The following DDX10 variants were observed in gnomAD, a reference collection of about 807,000 sequenced individuals.
The protein encoded by DDX10 is DEAD-box helicase 10, also known as probable ATP-dependent RNA helicase DDX10.
Under a neutral mutation model 104.3 loss-of-function variants are expected in DDX10, and 74 were observed. That is an observed-to-expected ratio of 0.71 (90% CI 0.59 to 0.86). DDX10 has a LOEUF of 0.86. DDX10 is among the 40% of genes least tolerant of loss of function. The pLI is 0.00. For missense variants in DDX10, 952 were observed against 1,040.0 expected (o/e 0.92, Z 1.16); for synonymous variants, 351 against 353.4 (o/e 0.99, Z 0.08).
intron 16 of DDX10, among the ~76,000 whole-genome samples, chr11:108,902,905 C>A (rs1863536988): frequency 6.6e-6 from 1 of 151,906 alleles, no homozygotes; most frequent in African/African-American, 2.4e-5. Flanking sequence ...ATCAAAATAA[C>A]CTTAAATTTT....
intron 16 of DDX10, among the ~76,000 whole-genome samples, chr11:108,871,483 C>T (rs931723072): frequency 1.3e-5 from 2 of 152,200 alleles, no homozygotes; most frequent in Non-Finnish European, 2.9e-5. Context: ...GCATACTCTA[C>T]TGGTCACCCT....
At chr11:108,800,316 GT>G (rs1007736903) in intron 13 of DDX10, among the ~76,000 whole-genome samples, 1 of 149,852 alleles carries the variant, frequency 6.7e-6, no homozygotes, top group African/African-American at 2.4e-5. Flanking sequence ...ATGGTGGCGG[GT>G]GCCTGTAGTC....
intron 16 of DDX10, among the ~76,000 whole-genome samples, chr11:108,911,874 GA>G (rs1309791586): frequency 6.6e-6 from 1 of 152,108 alleles, no homozygotes; most frequent in Admixed American, 6.5e-5. Context: ...TTCAACACAT[GA>G]ATTTTGTGGG....
chr11:108,812,923 A>G (rs907678094), intron 13 of DDX10, among the ~76,000 whole-genome samples: 1 of 135,134 alleles, frequency 7.4e-6, no homozygotes, highest in Non-Finnish European at 1.5e-5. Context: ...TGGAGGTTGC[A>G]GTGAGCAGAG....
chr11:108,706,910 C>A (rs938053041), intron 10 of DDX10, 73 bp downstream of exon 10: 57 of 1,227,686 alleles, frequency 4.6e-5, no homozygotes, highest in Non-Finnish European at 6.1e-5. Context: ...TTATGTGCAC[C>A]TAATTTGCCC....
intron 13 of DDX10, among the ~76,000 whole-genome samples, chr11:108,797,039 A>G (rs1276129260): frequency 2.1e-5 from 3 of 144,540 alleles, no homozygotes; most frequent in Non-Finnish European, 4.6e-5. Flanking sequence ...CCCTCTTCTA[A>G]TTTTTTTTTT....
chr11:108,730,632 A>C (rs2094310833), intron 13 of DDX10, among the ~76,000 whole-genome samples: 1 of 152,194 alleles, frequency 6.6e-6, no homozygotes, highest in Admixed American at 6.5e-5. Context: ...CTCATGACTT[A>C]CAGTGGTTCA....
chr11:108,676,191 G>A (rs527309850), intron 3 of DDX10, among the ~76,000 whole-genome samples: 48 of 152,070 alleles, frequency 3.2e-4, no homozygotes, highest in Non-Finnish European at 2.9e-4. Context: ...CATTGCTATC[G>A]GTCTTTTATG....
intron 6 of DDX10, among the ~76,000 whole-genome samples, chr11:108,686,082 C>T (rs1197623415): frequency 2.6e-5 from 4 of 152,116 alleles, no homozygotes; most frequent in African/African-American, 9.7e-5. Flanking sequence ...CCTATTTCTT[C>T]TTTAAAGACT....
intron 13 of DDX10, among the ~76,000 whole-genome samples, chr11:108,833,116 A>G (rs1258096320): frequency 5.3e-5 from 8 of 152,236 alleles, no homozygotes. Context: ...AAAATACACC[A>G]TCAGTGGACA....
chr11:108,678,431 G>T lies in DDX10; in HGVS notation c.654G>T (p.Met218Ile). The change falls in exon 5 of 18, where the codon ATG becomes ATT. Residue 218 changes from methionine (M) to isoleucine (I), a missense_variant. Transcript: ENST00000322536. Reference sequence around the variant, plus strand: ...CTTTTCATGCTACCGACCTCCAAATGTTAGGTGAGTCAAATCAATTTCTAA... The same window carrying T: ...CTTTTCATGCTACCGACCTCCAAATTTTAGGTGAGTCAAATCAATTTCTAA... ...TVSFHATDLQ[M>I]LVLDEADRIL... 6.3e-7 allele frequency: 1 copy of T among 1,582,176 alleles called. No individual in the cohort carries two copies. The highest frequency in any genetic ancestry group is 8.6e-7 in the Non-Finnish European group (1 of 1,167,214).
intron 13 of DDX10, among the ~76,000 whole-genome samples, chr11:108,777,734 G>T (rs939095950): frequency 6.6e-6 from 1 of 152,190 alleles, no homozygotes; most frequent in Non-Finnish European, 1.5e-5. Flanking sequence ...TATTCAGTTA[G>T]GAAAGGAGGA....
intron 13 of DDX10, among the ~76,000 whole-genome samples, chr11:108,801,242 A>G (rs1430044569): frequency 2.6e-5 from 4 of 152,194 alleles, no homozygotes; most frequent in African/African-American, 7.2e-5. Context: ...ATCTATCATT[A>G]TATGTCCTTA....
Position 108,677,262 on chromosome 11 carries a change from G to A in DDX10, c.537+19G>A. 5.0e-6 allele frequency: 8 copies of A among 1,603,304 alleles called. No homozygotes were observed. The highest frequency in any genetic ancestry group is 6.8e-6 in the Non-Finnish European group (8 of 1,172,320). ...TGGAAAGGTTTGTCCTTTTGTCTAT[G>A]TCCTTCCTTTCCTTCTGTAACCTAT... On this transcript the variant is annotated intron_variant, in intron 4 of 17. Transcript: ENST00000322536.
At chr11:108,685,580 A>G (rs1422944807) in intron 6 of DDX10, among the ~76,000 whole-genome samples, 6 of 152,128 alleles carry the variant, frequency 3.9e-5, no homozygotes, top group African/African-American at 1.4e-4. Context: ...GTTCTTATAA[A>G]ATCCTTCTAG....
intron 17 of DDX10, among the ~76,000 whole-genome samples, chr11:108,923,715 G>A (rs1863870907): frequency 6.6e-6 from 1 of 152,164 alleles, no homozygotes; most frequent in Non-Finnish European, 1.5e-5. Context: ...GTGCACTTGG[G>A]GAGGCGATGG....
intron 5 of DDX10, 37 bp downstream of exon 5, chr11:108,678,472 AG>A (rs773139728): frequency 1.3e-6 from 2 of 1,520,258 alleles, no homozygotes; most frequent in Non-Finnish European, 1.8e-6. Flanking sequence ...AAAAAAAAAA[AG>A]CTCAGACTTA....
intron 13 of DDX10, among the ~76,000 whole-genome samples, chr11:108,769,239 T>C (rs2134524312): frequency 6.6e-6 from 1 of 152,218 alleles, no homozygotes; most frequent in African/African-American, 2.4e-5. Context: ...TTCCTTTGAT[T>C]TTGTTGATGT....
At chr11:108,800,413 C>G (rs1490043340) in intron 13 of DDX10, among the ~76,000 whole-genome samples, 3 of 137,732 alleles carry the variant, frequency 2.2e-5, no homozygotes, top group African/African-American at 5.5e-5. Context: ...CCACTGCTCT[C>G]CAGCCTGGGC....
Sources: allele counts gnomAD v4.1 joint callset (sites outside exome capture counted in the v4.1 genomes callset), GRCh38; gene constraint gnomAD v4.1.1; transcripts MANE v1.5; gene names NCBI Gene and HGNC (gene_info 2026-07-23, HGNC 2026-07-21).